Variants in NMNAT3 observed in about 807,000 individuals in gnomAD.
NMNAT3 encodes nicotinamide/nicotinic acid mononucleotide adenylyltransferase 3.
In NMNAT3, 21 loss-of-function variants were observed where a neutral mutation model predicts 24.8. The ratio of observed to expected loss-of-function variants is 0.85; its 90% CI spans 0.60 to 1.22. The LOEUF (loss-of-function observed/expected upper bound fraction) is 1.22. NMNAT3 is among the 50% of genes most tolerant of loss of function. NMNAT3 has a pLI of 0.00. For missense variants in NMNAT3, 387 were observed against 436.6 expected (o/e 0.89, Z 1.01); for synonymous variants, 136 against 155.2 (o/e 0.88, Z 0.92).
intron 3 of NMNAT3, among the ~76,000 whole-genome samples, chr3:139,591,094 G>T (rs1027569922): frequency 6.6e-6 from 1 of 151,470 alleles, no homozygotes. Flanking sequence ...GACAGTGGGC[G>T]CAGGCCAGTG....
intron 6 of NMNAT3, among the ~76,000 whole-genome samples, chr3:139,563,803 CT>C (rs1187702409): frequency 2.0e-5 from 3 of 152,036 alleles, no homozygotes; most frequent in Non-Finnish European, 4.4e-5. Context: ...CCGAGTGACT[CT>C]ATCCAAGTCC....
At chr3:139,594,533 C>T (rs538346940) in intron 3 of NMNAT3, among the ~76,000 whole-genome samples, 2 of 152,344 alleles carry the variant, frequency 1.3e-5, no homozygotes, top group African/African-American at 4.8e-5. Context: ...AGACCAGTAT[C>T]CTTGATGAAC....
intron 3 of NMNAT3, among the ~76,000 whole-genome samples, chr3:139,627,216 A>C (rs1228724293): frequency 6.6e-6 from 1 of 152,192 alleles, no homozygotes; most frequent in East Asian, 1.9e-4. Context: ...CAAAATGCCC[A>C]TTATCAAGCA....
chr3:139,676,753 G>C (rs753321774), intron 1 of NMNAT3, among the ~76,000 whole-genome samples: 24 of 152,196 alleles, frequency 1.6e-4, no homozygotes, highest in Non-Finnish European at 1.9e-4. Flanking sequence ...CATCATTTTA[G>C]AGAACAGGCT....
At chr3:139,644,695 T>C (rs1382539001) in intron 1 of NMNAT3, among the ~76,000 whole-genome samples, 1 of 152,208 alleles carries the variant, frequency 6.6e-6, no homozygotes. Flanking sequence ...AACTCCTTGA[T>C]GGAATATGAG....
At chr3:139,594,989 G>A (rs2054379300) in intron 3 of NMNAT3, among the ~76,000 whole-genome samples, 1 of 152,062 alleles carries the variant, frequency 6.6e-6, no homozygotes. Context: ...AGGAAATAAA[G>A]GGTATTCAAT....
At chr3:139,568,470 G>A (rs1048072275) in intron 6 of NMNAT3, 1 of 152,136 alleles carries the variant, frequency 6.6e-6, no homozygotes, top group Admixed American at 6.5e-5. Context: ...GCTTTGTCTT[G>A]TGGCCTTTAG....
At chr3:139,624,676 T>C (rs1419945070) in intron 3 of NMNAT3, among the ~76,000 whole-genome samples, 1 of 152,176 alleles carries the variant, frequency 6.6e-6, no homozygotes, top group Non-Finnish European at 1.5e-5. Flanking sequence ...CTCAAACTCC[T>C]GACCTCAGGT....
At chr3:139,649,977 A>T (rs2057002808) in intron 1 of NMNAT3, among the ~76,000 whole-genome samples, 1 of 152,186 alleles carries the variant, frequency 6.6e-6, no homozygotes, top group African/African-American at 2.4e-5. Flanking sequence ...ACCCCAAAGC[A>T]AAGATGTGAT....
In NMNAT3 at chr3:139,673,239, T is replaced by C. The variant is rs114575983; in HGVS notation, c.-141+4466A>G. Among the ~76,000 whole-genome samples, 945 of 152,278 alleles carry C rather than the reference T, an allele frequency of 6.2e-3. 8 individuals are homozygous for C. Among genetic ancestry groups the C allele is most frequent in the African/African-American group, 0.021 (855 of 41,552 alleles). ...ACCCTCAGGTGAGCTGGATCCCTGT[T>C]TGCTGCTGCTACCCAAGATGAGATG... On this transcript the variant is annotated intron_variant, in intron 1 of 6. Coordinates refer to ENST00000643695, the MANE Select transcript of NMNAT3 (RefSeq NM_001320510.2).
chr3:139,596,497 A>AT (rs2054466155), intron 3 of NMNAT3, among the ~76,000 whole-genome samples: 1 of 151,696 alleles, frequency 6.6e-6, no homozygotes, highest in Admixed American at 6.6e-5. Flanking sequence ...ACTCCCACTT[A>AT]TTTTTTGTTT....
intron 2 of NMNAT3, among the ~76,000 whole-genome samples, chr3:139,629,826 C>A (rs2056219135): frequency 6.6e-6 from 1 of 152,146 alleles, no homozygotes; most frequent in South Asian, 2.1e-4. Flanking sequence ...TTCCTCCAAC[C>A]AGAAAACCCC....
intron 1 of NMNAT3, 132 bp from the exon 2 acceptor site, chr3:139,638,194 A>C (rs374005523): frequency 1.6e-4 from 24 of 152,364 alleles, no homozygotes; most frequent in African/African-American, 5.8e-4. Context: ...GAATTTCTGC[A>C]TCCTAATCTG....
At chr3:139,635,821 T>C (rs891592509) in intron 2 of NMNAT3, 1 of 152,246 alleles carries the variant, frequency 6.6e-6, no homozygotes, top group African/African-American at 2.4e-5. Flanking sequence ...CCTTTCCCAA[T>C]GTCTTTGGCA....
At chr3:139,659,287 A>G (rs1036552153) in intron 1 of NMNAT3, among the ~76,000 whole-genome samples, 4 of 152,182 alleles carry the variant, frequency 2.6e-5, no homozygotes, top group Non-Finnish European at 5.9e-5. Context: ...GAGGTGCTCA[A>G]AGTTAGCATA....
chr3:139,660,750 A>C (rs889711133), intron 1 of NMNAT3, among the ~76,000 whole-genome samples: 1 of 152,196 alleles, frequency 6.6e-6, no homozygotes, highest in African/African-American at 2.4e-5. Flanking sequence ...AGGTAACAAC[A>C]AACACTCCAA....
chr3:139,589,779 T>C (rs780566394), intron 3 of NMNAT3, among the ~76,000 whole-genome samples: 5 of 152,108 alleles, frequency 3.3e-5, no homozygotes, highest in Admixed American at 6.5e-5. Flanking sequence ...AGGCTATGGA[T>C]CAGATTTGGC....
chr3:139,654,292 T>TA (rs1458133176), intron 1 of NMNAT3, among the ~76,000 whole-genome samples: 2 of 152,164 alleles, frequency 1.3e-5, no homozygotes, highest in African/African-American at 2.4e-5. Flanking sequence ...TGACTCAGAA[T>TA]AAGGATGGTG....
At chr3:139,572,372 A>G in intron 6 of NMNAT3, 1 of 394,014 alleles carries the variant, frequency 2.5e-6, no homozygotes, top group Non-Finnish European at 4.5e-6. Context: ...GAGGAATACA[A>G]TAAACATTAT....
Sources: allele counts gnomAD v4.1 joint callset (sites outside exome capture counted in the v4.1 genomes callset), GRCh38; gene constraint gnomAD v4.1.1; transcripts MANE v1.5; gene names NCBI Gene and HGNC (gene_info 2026-07-23, HGNC 2026-07-21).